Variants in PACRG observed in about 807,000 individuals in gnomAD.
PACRG encodes parkin coregulated gene protein.
PACRG carries 29 observed loss-of-function variants against 29.7 expected under a neutral mutation model. The observed-to-expected ratio is 0.98, with a 90% CI of 0.73 to 1.33. PACRG has a LOEUF of 1.33. PACRG is among the 40% of genes most tolerant of loss of function. The pLI, the probability that PACRG is intolerant of heterozygous loss-of-function variation, is 0.00. For missense variants in PACRG, 279 were observed against 316.2 expected (o/e 0.88, Z 0.89); for synonymous variants, 116 against 118.7 (o/e 0.98, Z 0.15).
At chr6:162,974,581 G>A (rs1584914539) in intron 2 of PACRG, among the ~76,000 whole-genome samples, 1 of 152,012 alleles carries the variant, frequency 6.6e-6, no homozygotes, top group Non-Finnish European at 1.5e-5. Flanking sequence ...TACTAAATAG[G>A]TTCCCCAAAT....
At chr6:162,997,505 A>G (rs1269683579) in intron 2 of PACRG, 1 of 442,506 alleles carries the variant, frequency 2.3e-6, no homozygotes, top group East Asian at 7.3e-5. Flanking sequence ...TCCAATGAAT[A>G]GCAGAATAAT....
At chr6:162,926,926 C>T (rs1474966450) in intron 2 of PACRG, among the ~76,000 whole-genome samples, 6 of 151,942 alleles carry the variant, frequency 3.9e-5, no homozygotes, top group Non-Finnish European at 5.9e-5. Context: ...GTCTAATATG[C>T]GGAATTTACA....
At chr6:163,104,199 T>C (rs1669133667) in intron 4 of PACRG, among the ~76,000 whole-genome samples, 1 of 152,242 alleles carries the variant, frequency 6.6e-6, no homozygotes, top group Admixed American at 6.5e-5. Flanking sequence ...CAATAATATC[T>C]TGAGAAAAAC....
At position 162,828,132 on chromosome 6, in the gene PACRG, A is replaced by G. The variant is rs140621354; in HGVS notation, c.291+13851A>G. On this transcript the variant is annotated intron_variant, in intron 2 of 4. Transcript: ENST00000366888. The stretch of plus-strand genomic sequence containing the variant: ...TTTTTGTTTGTTGAATACAGTAGCA[A>G]TTTGAATTTTCATCTACTTGCAAAC... 1.9e-3 allele frequency among the ~76,000 whole-genome samples: 288 copies of G among 152,300 alleles called. 2 individuals carry two copies. Among genetic ancestry groups the G allele is most frequent in the Non-Finnish European group, 1.4e-3 (92 of 68,024 alleles).
chr6:163,126,980 C>A (rs1344745244), intron 4 of PACRG, among the ~76,000 whole-genome samples: 1 of 152,220 alleles, frequency 6.6e-6, no homozygotes, highest in Non-Finnish European at 1.5e-5. Flanking sequence ...CCATCTCTCA[C>A]CCCAGCTCTT....
At chr6:162,868,292 C>G (rs890037003) in intron 2 of PACRG, among the ~76,000 whole-genome samples, 1 of 145,164 alleles carries the variant, frequency 6.9e-6, no homozygotes, top group African/African-American at 2.8e-5. Flanking sequence ...GCCTTTTCCC[C>G]GCTATTACTA....
intron 3 of PACRG, among the ~76,000 whole-genome samples, chr6:163,077,904 C>T (rs930216802): frequency 3.3e-5 from 5 of 152,088 alleles, no homozygotes; most frequent in Non-Finnish European, 7.4e-5. Flanking sequence ...CCAGCACCCA[C>T]GATGGAGGCG....
chr6:162,988,676 A>G (rs1803128881), intron 2 of PACRG, among the ~76,000 whole-genome samples: 1 of 152,204 alleles, frequency 6.6e-6, no homozygotes, highest in Admixed American at 6.5e-5. Context: ...AACTGAATCT[A>G]TTGAAACAGT....
chr6:163,064,488 C>T (rs917859617), intron 3 of PACRG, among the ~76,000 whole-genome samples: 6 of 152,296 alleles, frequency 3.9e-5, no homozygotes, highest in East Asian at 3.9e-4. Flanking sequence ...GATGCCATTG[C>T]GTGGCTTTCA....
intron 1 of PACRG, among the ~76,000 whole-genome samples, chr6:162,750,872 T>C (rs570933331): frequency 5.3e-5 from 8 of 152,288 alleles, no homozygotes; most frequent in Non-Finnish European, 1.2e-4. Context: ...AAACCAGACC[T>C]TTAGGGATTT....
At chr6:162,961,360 G>A (rs1800601540) in intron 2 of PACRG, among the ~76,000 whole-genome samples, 2 of 152,228 alleles carry the variant, frequency 1.3e-5, no homozygotes, top group African/African-American at 4.8e-5. Flanking sequence ...CTCCAAGGGT[G>A]TCACAGCATG....
chr6:163,075,545 A>G (rs1812464087), intron 3 of PACRG, among the ~76,000 whole-genome samples: 2 of 152,236 alleles, frequency 1.3e-5, no homozygotes, highest in African/African-American at 2.4e-5. Context: ...ATAAAAAATG[A>G]TAATACCTCA....
At chr6:162,780,645 A>G (rs1260786334) in intron 1 of PACRG, among the ~76,000 whole-genome samples, 3 of 152,172 alleles carry the variant, frequency 2.0e-5, no homozygotes, top group Non-Finnish European at 4.4e-5. Flanking sequence ...TCTTATGACT[A>G]TACTTCATAT....
intron 4 of PACRG, among the ~76,000 whole-genome samples, chr6:163,112,622 T>A (rs1050929246): frequency 1.3e-5 from 2 of 152,134 alleles, no homozygotes; most frequent in African/African-American, 2.4e-5. Flanking sequence ...AGCAATCACA[T>A]GTGCAAAGGC....
chr6:162,749,701 G>C (rs1290992425), intron 1 of PACRG, among the ~76,000 whole-genome samples: 4 of 151,998 alleles, frequency 2.6e-5, no homozygotes, highest in Non-Finnish European at 4.4e-5. Flanking sequence ...TGTATTTTCA[G>C]TAGAGATGGG....
intron 2 of PACRG, among the ~76,000 whole-genome samples, chr6:162,824,429 A>T (rs1487737050): frequency 6.6e-6 from 1 of 152,162 alleles, no homozygotes; most frequent in African/African-American, 2.4e-5. Flanking sequence ...GTGGTTTTCC[A>T]ATCCAATTCC....
chr6:163,165,578 G>A (rs555481246), intron 4 of PACRG: 1 of 156,230 alleles, frequency 6.4e-6, no homozygotes, highest in South Asian at 2.0e-4. Flanking sequence ...AAGGGGAAAT[G>A]GCCACAAACC....
At chr6:163,197,538 G>T (rs1780523339) in intron 4 of PACRG, among the ~76,000 whole-genome samples, 1 of 149,626 alleles carries the variant, frequency 6.7e-6, no homozygotes, top group Non-Finnish European at 1.5e-5. Context: ...CTGCCTCCCG[G>T]GTTCACGCCA....
rs192969479 is a variant in PACRG, at chr6:162,835,913, C to T, written c.291+21632C>T. ...TGTGAAATTCATAAGTAAAATTGTT[C>T]TTTCCAGTAGGAAAAAAGTGGTTAA... On this transcript the variant is annotated intron_variant, in intron 2 of 4. Transcript: ENST00000366888. 8.2e-3 allele frequency among the ~76,000 whole-genome samples: 1,243 copies of T among 152,178 alleles called. 16 individuals are homozygous for T. Among genetic ancestry groups the T allele is most frequent in the South Asian group, 0.036 (172 of 4,824 alleles).
Sources: allele counts gnomAD v4.1 joint callset (sites outside exome capture counted in the v4.1 genomes callset), GRCh38; gene constraint gnomAD v4.1.1; transcripts MANE v1.5; gene names NCBI Gene and HGNC (gene_info 2026-07-23, HGNC 2026-07-21).